The following ADGRB3 variants were observed in gnomAD, a reference collection of about 807,000 sequenced individuals.
ADGRB3 encodes adhesion G protein-coupled receptor B3.
In ADGRB3, 37 loss-of-function variants were observed where a neutral mutation model predicts 193.4. That is an observed-to-expected ratio of 0.19 (90% CI 0.15 to 0.25). The LOEUF is 0.25. ADGRB3 is among the 10% of genes least tolerant of loss of function. The pLI, the probability that ADGRB3 is intolerant of heterozygous loss-of-function variation, is 1.00. For missense variants in ADGRB3, 1,637 were observed against 1,852.9 expected (o/e 0.88, Z 2.14); for synonymous variants, 690 against 644.2 (o/e 1.07, Z -1.08).
At chr6:69,025,116 A>C (rs1371212469) in intron 13 of ADGRB3, among the ~76,000 whole-genome samples, 1 of 151,556 alleles carries the variant, frequency 6.6e-6, no homozygotes, top group African/African-American at 2.4e-5. Flanking sequence ...AAAATAAAAA[A>C]TAATAAAATA....
chr6:68,867,880 T>TG (rs1417559405), intron 3 of ADGRB3, among the ~76,000 whole-genome samples: 19 of 152,212 alleles, frequency 1.2e-4, no homozygotes, highest in African/African-American at 4.3e-4. Context: ...ATGGCAGCAT[T>TG]TACCCAGCGC....
At chr6:69,135,391 T>TA (rs1774122249) in intron 17 of ADGRB3, among the ~76,000 whole-genome samples, 1 of 151,920 alleles carries the variant, frequency 6.6e-6, no homozygotes, top group Non-Finnish European at 1.5e-5. Flanking sequence ...TAGAGTCCAT[T>TA]AAGATGTCCT....
At chr6:69,349,588 C>G (rs1182180146) in intron 26 of ADGRB3, among the ~76,000 whole-genome samples, 1 of 152,080 alleles carries the variant, frequency 6.6e-6, no homozygotes, top group African/African-American at 2.4e-5. Flanking sequence ...AAAAGTCTTT[C>G]ATTTCATAAT....
At chr6:69,104,283 G>A (rs1043716353) in intron 17 of ADGRB3, among the ~76,000 whole-genome samples, 8 of 148,718 alleles carry the variant, frequency 5.4e-5, no homozygotes, top group Admixed American at 3.4e-4. Context: ...GAGAATATGC[G>A]GTGTTTGGTT....
intron 17 of ADGRB3, among the ~76,000 whole-genome samples, chr6:69,165,151 A>G (rs1440318726): frequency 2.6e-5 from 4 of 152,028 alleles, no homozygotes; most frequent in African/African-American, 9.7e-5. Context: ...CTCAAAAACA[A>G]ACAGTGGTTT....
At chr6:69,156,803 A>G (rs553446312) in intron 17 of ADGRB3, among the ~76,000 whole-genome samples, 1 of 152,338 alleles carries the variant, frequency 6.6e-6, no homozygotes, top group East Asian at 1.9e-4. Context: ...TTATCACTGA[A>G]TGTTTAAGAT....
intron 24 of ADGRB3, among the ~76,000 whole-genome samples, chr6:69,338,214 G>T (rs1768893145): frequency 6.6e-6 from 1 of 152,084 alleles, no homozygotes. Context: ...TAGGAGGTTG[G>T]AGTCTATGAC....
intron 3 of ADGRB3, among the ~76,000 whole-genome samples, chr6:68,927,335 C>A (rs190697057): frequency 6.6e-6 from 1 of 152,162 alleles, no homozygotes; most frequent in Admixed American, 6.5e-5. Flanking sequence ...ATCAACCACC[C>A]ATGAAGAATT....
intron 6 of ADGRB3, among the ~76,000 whole-genome samples, chr6:68,950,167 C>T (rs1317045623): frequency 6.6e-6 from 1 of 152,076 alleles, no homozygotes. Context: ...CATCCTCCCA[C>T]CTCAGCCTCT....
At chr6:68,675,409 G>A (rs192608022) in intron 3 of ADGRB3, among the ~76,000 whole-genome samples, 56 of 151,682 alleles carry the variant, frequency 3.7e-4, no homozygotes, top group East Asian at 1.6e-3. Flanking sequence ...TCCAAAGCAA[G>A]GAGAAAAAAG....
intron 20 of ADGRB3, among the ~76,000 whole-genome samples, chr6:69,302,099 A>C (rs754022647): frequency 6.6e-6 from 1 of 151,934 alleles, no homozygotes; most frequent in Non-Finnish European, 1.5e-5. Context: ...AACTCCCTGA[A>C]GGAAAGAATA....
intron 28 of ADGRB3, among the ~76,000 whole-genome samples, chr6:69,359,997 A>T (rs1439733805): frequency 1.3e-5 from 2 of 151,836 alleles, no homozygotes; most frequent in Non-Finnish European, 2.9e-5. Flanking sequence ...GAGAAAAAAA[A>T]ACTAAAATAT....
In ADGRB3 at chr6:69,135,783, G is replaced by T. The variant is rs117966136; in HGVS notation, c.2480+59745G>T. Among the ~76,000 whole-genome samples the T allele has an allele frequency of 5.9e-5, 9 of 152,102 alleles. No individual in the cohort carries two copies. In the East Asian group the frequency reaches 1.7e-3, roughly 29 times the overall value. On this transcript the variant is annotated intron_variant, in intron 17 of 31. Coordinates refer to ENST00000370598, the MANE Select transcript of ADGRB3 (RefSeq NM_001704.3). ...AAGGTTCATAATATCCAGGAAAACAGACTATAGGGATTATCAGGAGAACAA... is the reference window on the plus strand; with the variant it reads ...AAGGTTCATAATATCCAGGAAAACATACTATAGGGATTATCAGGAGAACAA...
At chr6:68,727,353 A>G (rs560173744) in intron 3 of ADGRB3, among the ~76,000 whole-genome samples, 1 of 151,742 alleles carries the variant, frequency 6.6e-6, no homozygotes, top group Admixed American at 6.6e-5. Flanking sequence ...TTAAGACTAG[A>G]AATTAGGAAT....
chr6:69,230,044 G>A (rs1766099454), intron 17 of ADGRB3, among the ~76,000 whole-genome samples: 1 of 152,174 alleles, frequency 6.6e-6, no homozygotes, highest in Non-Finnish European at 1.5e-5. Context: ...ATGGGTGAAT[G>A]TAGGTGTAGT....
intron 31 of ADGRB3, among the ~76,000 whole-genome samples, chr6:69,386,689 C>T (rs945153077): frequency 3.3e-5 from 5 of 152,044 alleles, no homozygotes; most frequent in Admixed American, 2.0e-4. Flanking sequence ...TTCCCGTCTC[C>T]GTGTTCTTTG....
chr6:69,040,707 A>AAAAAAAAAAAAAT (rs1771038176), intron 13 of ADGRB3, among the ~76,000 whole-genome samples: 5 of 60,458 alleles, frequency 8.3e-5, no homozygotes, highest in African/African-American at 3.4e-4. Flanking sequence ...AAAAAAAAAA[A>AAAAAAAAAAAAAT]AACAAACAAG....
At chr6:69,180,324 C>T (rs942382912) in intron 17 of ADGRB3, among the ~76,000 whole-genome samples, 2 of 152,172 alleles carry the variant, frequency 1.3e-5, no homozygotes, top group African/African-American at 4.8e-5. Flanking sequence ...GGGCATGGAG[C>T]AGAAAGGGCC....
chr6:68,924,183 A>G (rs554212764), intron 3 of ADGRB3, among the ~76,000 whole-genome samples: 4 of 152,212 alleles, frequency 2.6e-5, no homozygotes, highest in Non-Finnish European at 5.9e-5. Context: ...TCAGAAAGAG[A>G]TATTAACATT....
Sources: gnomAD v4.1 joint callset for allele counts (sites outside exome capture counted in the v4.1 genomes callset) on GRCh38, gnomAD v4.1.1 for gene constraint, MANE v1.5 for transcripts, NCBI Gene and HGNC (gene_info 2026-07-23, HGNC 2026-07-21) for gene names.